DDX46: variants seen among roughly 807,000 people sequenced by gnomAD.
DDX46 encodes DEAD-box helicase 46, also known as probable ATP-dependent RNA helicase DDX46.
A neutral mutation model predicts 134.9 loss-of-function variants in DDX46; 30 were observed. The ratio of observed to expected loss-of-function variants is 0.22; its 90% confidence interval spans 0.17 to 0.30. DDX46 has a LOEUF of 0.30. Among genes scored for constraint, DDX46 ranks in the 10% least tolerant of loss-of-function variants. The pLI is 1.00. For synonymous variants in DDX46, 415 were observed against 404.1 expected, an observed-to-expected ratio of 1.03 and a Z score of -0.32; for missense variants, 622 against 1,248.7, an observed-to-expected ratio of 0.50 and a Z score of 7.56.
chr5:134,818,057 C>T (rs1040214633), intron 20 of DDX46, among the ~76,000 whole-genome samples: 4 of 150,894 alleles, frequency 2.7e-5, no homozygotes, highest in African/African-American at 9.8e-5. Flanking sequence ...TCAAGCGATT[C>T]TCCTCCCTCA....
intron 15 of DDX46, chr5:134,804,843 G>T: frequency 2.4e-6 from 1 of 415,700 alleles, no homozygotes; most frequent in South Asian, 2.0e-5. Context: ...CCTTGATAAG[G>T]AAAGCATGCT....
chr5:134,770,149 G>A (rs1452592113), intron 3 of DDX46, among the ~76,000 whole-genome samples: 1 of 150,918 alleles, frequency 6.6e-6, no homozygotes, highest in Non-Finnish European at 1.5e-5. Context: ...TTCCTGCCTT[G>A]GCCTCCCAAA....
rs1753477969 is a variant in DDX46 at position 134,763,984 on chromosome 5, A to G, written c.98A>G (p.Lys33Arg). 1.2e-6 allele frequency: 2 copies of G among 1,614,228 alleles called. No homozygotes were observed. Among genetic ancestry groups the G allele is most frequent in the East Asian group, 4.5e-5 (2 of 44,888 alleles). The change falls in exon 2 of 23, where the codon AAA (lysine) becomes AGA (arginine). Residue 33 changes from lysine (K) to arginine (R), a missense_variant. Physicochemically the swap from Lys to Arg is conservative, Grantham distance 26 (BLOSUM62 2). Around this residue, in one of 8 missense-constraint regions of DDX46, gnomAD observed 244 missense variants for 349.3 expected, o/e 0.70. Coordinates refer to ENST00000452510, the MANE Select transcript of DDX46 (RefSeq NM_001300860.2). ...CGCTCACCCTCAGACAAAAGAAGTA[A>G]ACGTGGAGATGACAGACGGTCTAGA... is the stretch of plus-strand genomic sequence containing the variant. ...RSRSPSDKRS[K>R]RGDDRRSRSR...
At position 134,811,800 on chromosome 5, in the gene DDX46, A is replaced by C. The variant is rs1330822352; in HGVS notation, c.2391A>C (p.Ala797=). The C allele has an allele frequency of 1.2e-6, 2 of 1,613,888 alleles. No homozygotes were observed. Among genetic ancestry groups the C allele is most frequent in the Non-Finnish European group, 1.7e-6 (2 of 1,179,988 alleles). ...ATGAGAGGAAGAAGTTACAAAAAGC[A>C]GCTCTTGGTCTACAAGATTCAGATG... The part of the protein sequence containing the change: ...LANERKKLQK[A]ALGLQDSDDE... Residue 797 remains alanine (A), a synonymous_variant, in exon 18 of 23, where the codon GCA becomes GCC. Coordinates refer to ENST00000452510, the MANE Select transcript of DDX46 (RefSeq NM_001300860.2).
At chr5:134,781,890 TA>T in intron 7 of DDX46, 30 bp from the exon 8 acceptor site, 1 of 1,583,892 alleles carries the variant, frequency 6.3e-7, no homozygotes, top group Non-Finnish European at 8.5e-7. Flanking sequence ...GTAATGAACT[TA>T]GCGCTTTAAT....
chr5:134,794,953 A>T lies in DDX46; in HGVS notation c.1730A>T (p.Lys577Ile). Residue 577 changes from lysine to isoleucine, a missense_variant, in exon 14 of 23, where the codon AAA becomes ATA. Transcript: ENST00000452510. ...GCTTTGGCTCGCAGGATCCTCAGTA[A>T]ACCTATTGAAGTACAAGTTGGAGGC... ...MEALARRILS[K>I]PIEVQVGGRS... The T allele has an allele frequency of 6.2e-7, 1 of 1,614,150 alleles. No individual in the cohort carries two copies. The highest frequency in any genetic ancestry group is 2.2e-5 in the East Asian group (1 of 44,884).
intron 5 of DDX46, among the ~76,000 whole-genome samples, chr5:134,774,278 A>C (rs897760733): frequency 6.6e-6 from 1 of 151,778 alleles, no homozygotes; most frequent in Non-Finnish European, 1.5e-5. Flanking sequence ...ATGTTGTAGC[A>C]TGTTGGAATT....
At chr5:134,813,061 A>G (rs1755191836) in intron 18 of DDX46, among the ~76,000 whole-genome samples, 1 of 151,026 alleles carries the variant, frequency 6.6e-6, no homozygotes, top group Admixed American at 6.6e-5. Flanking sequence ...CCTGCCTCAG[A>G]CTCCCAAGTA....
At chr5:134,771,921 CA>C (rs1753785471) in intron 4 of DDX46, among the ~76,000 whole-genome samples, 1 of 152,212 alleles carries the variant, frequency 6.6e-6, no homozygotes, top group East Asian at 1.9e-4. Flanking sequence ...AATTGCCTTC[CA>C]AAAAATTTGT....
At chr5:134,797,101 A>G (rs78084624) in intron 15 of DDX46, 3,439 of 208,886 alleles carry the variant, frequency 0.016, 54 homozygotes, top group Non-Finnish European at 0.022. Flanking sequence ...CGGGAGGCAG[A>G]AGTTGCGGTG....
intron 18 of DDX46, among the ~76,000 whole-genome samples, chr5:134,815,638 C>T (rs763378870): frequency 3.1e-5 from 4 of 127,732 alleles, no homozygotes; most frequent in Non-Finnish European, 6.2e-5. Context: ...ACCTGGGAGG[C>T]GGATCTTGCA....
intron 1 of DDX46, among the ~76,000 whole-genome samples, chr5:134,760,565 G>A (rs1023391456): frequency 1.3e-5 from 2 of 152,130 alleles, no homozygotes; most frequent in African/African-American, 4.8e-5. Flanking sequence ...TAGCAGCAAT[G>A]AGTAAGATTT....
chr5:134,795,120 C>A (rs1754611026), intron 14 of DDX46, 106 bp downstream of exon 14: 2 of 1,307,646 alleles, frequency 1.5e-6, no homozygotes, highest in Non-Finnish European at 2.1e-6. Context: ...TTTCTAAAAT[C>A]AAGTCGTATA....
In DDX46 at chr5:134,767,339, A is replaced by G. The variant is rs188877749; in HGVS notation, c.350+279A>G. 3.9e-5 allele frequency among the ~76,000 whole-genome samples: 6 copies of G among 152,146 alleles called. No homozygotes were observed. In the East Asian group the frequency reaches 1.2e-3, roughly 29 times the overall value. On this transcript the variant is annotated intron_variant, in intron 3 of 22. Transcript: ENST00000452510. ...GTATTTTATAGACATCTTTGTAGAA[A>G]CTCTGTCATTTTCTTTTCAGGCAGG... is the stretch of plus-strand genomic sequence containing the variant.
At chr5:134,777,213 G>A (rs1413692180) in intron 5 of DDX46, among the ~76,000 whole-genome samples, 6 of 152,118 alleles carry the variant, frequency 3.9e-5, no homozygotes, top group Admixed American at 1.3e-4. Context: ...GCGAGACTCC[G>A]TCTCAAAAAA....
At chr5:134,821,910 T>C (rs1206299025) in intron 21 of DDX46, among the ~76,000 whole-genome samples, 1 of 150,852 alleles carries the variant, frequency 6.6e-6, no homozygotes, top group Non-Finnish European at 1.5e-5. Flanking sequence ...TTTTTTTTTT[T>C]GAGATGGAGT....
chr5:134,763,966 C>T lies in DDX46; in HGVS notation c.80C>T (p.Pro27Leu). 1 of 1,614,104 alleles carries T rather than the reference C, an allele frequency of 6.2e-7. No individual in the cohort carries two copies. The highest frequency in any genetic ancestry group is 1.6e-4 in the Middle Eastern group (1 of 6,062). Residue 27 changes from proline (P) to leucine (L), a missense_variant, in exon 2 of 23, where the codon CCC (proline) becomes CTC (leucine). Physicochemically the swap from Pro to Leu is moderately conservative, Grantham distance 98. Coordinates refer to ENST00000452510, the MANE Select transcript of DDX46 (RefSeq NM_001300860.2). ...RSGSRSRSRS[P>L]SDKRSKRGDD... ...GGAAGTCGGTCTAGAAGTCGCTCAC[C>T]CTCAGACAAAAGAAGTAAACGTGGA...
chr5:134,788,690 C>G, intron 12 of DDX46, 99 bp downstream of exon 12: 1 of 1,065,766 alleles, frequency 9.4e-7, no homozygotes, highest in Non-Finnish European at 1.4e-6. Context: ...TTCTATATTT[C>G]TTCTTAAAGC....
chr5:134,819,942 A>T (rs1358406536), intron 21 of DDX46, among the ~76,000 whole-genome samples: 1 of 151,848 alleles, frequency 6.6e-6, no homozygotes, highest in Admixed American at 6.6e-5. Flanking sequence ...TTTCCCCGAG[A>T]TGGAGTCTTG....
Sources: allele counts gnomAD v4.1 joint callset (sites outside exome capture counted in the v4.1 genomes callset), GRCh38; gene constraint gnomAD v4.1.1; regional missense constraint gnomAD v4.1.1; transcripts MANE v1.5; gene names NCBI Gene and HGNC (gene_info 2026-07-23, HGNC 2026-07-21).